The following FARS2 variants were observed in gnomAD, a reference collection of about 807,000 sequenced individuals.
FARS2 encodes the protein phenylalanine--tRNA ligase, mitochondrial.
A neutral mutation model predicts 46.4 loss-of-function variants in FARS2; 40 were observed. That is an observed-to-expected ratio of 0.86 (90% CI 0.67 to 1.12). FARS2 has a LOEUF of 1.12. FARS2 is among the 50% of genes most tolerant of loss of function. The pLI, the probability that FARS2 is intolerant of heterozygous loss-of-function variation, is 0.00. For missense variants in FARS2, 513 were observed against 567.9 expected (o/e 0.90, Z 0.98); for synonymous variants, 234 against 214.9 (o/e 1.09, Z -0.78).
chr6:5,548,973 T>C (rs1771204617), intron 5 of FARS2, among the ~76,000 whole-genome samples: 1 of 152,266 alleles, frequency 6.6e-6, no homozygotes, highest in Non-Finnish European at 1.5e-5. Context: ...TATTCACTTA[T>C]AATTAGTATC....
intron 4 of FARS2, among the ~76,000 whole-genome samples, chr6:5,444,437 A>T (rs1213983291): frequency 7.4e-6 from 1 of 135,264 alleles, no homozygotes; most frequent in Non-Finnish European, 1.5e-5. Context: ...ATTGCACTCC[A>T]GCCTGGGTGA....
intron 4 of FARS2, among the ~76,000 whole-genome samples, chr6:5,440,302 G>A (rs1763767969): frequency 6.6e-6 from 1 of 151,996 alleles, no homozygotes; most frequent in Non-Finnish European, 1.5e-5. Flanking sequence ...AATATTTTTT[G>A]TATTAATTTT....
At position 5,471,407 on chromosome 6, in the gene FARS2, T is replaced by C. The variant is rs1765799156; in HGVS notation, c.904+40235T>C. 6.6e-6 allele frequency among the ~76,000 whole-genome samples: 1 copy of C among 152,216 alleles called. No homozygotes were observed. The highest frequency in any genetic ancestry group is 1.5e-5 in the Non-Finnish European group (1 of 68,036). On this transcript the variant is annotated intron_variant, in intron 4 of 6. Coordinates refer to ENST00000274680, the MANE Select transcript of FARS2 (RefSeq NM_006567.5). This position sits in a 1 kb window ranked among gnomAD's most constrained non-coding sequence, Gnocchi z 4.1. ...ATCCTTCTCTTACCTTTTCTTGCTC[T>C]GGCTAATATCCCAACTAGCCCTTCA...
intron 4 of FARS2, among the ~76,000 whole-genome samples, chr6:5,482,009 G>A (rs1168607721): frequency 1.3e-5 from 2 of 152,148 alleles, no homozygotes; most frequent in Non-Finnish European, 2.9e-5. Flanking sequence ...ACCAGAGTGG[G>A]GACTGGGTCT....
Position 5,369,076 on chromosome 6 carries a change from A to T in FARS2, c.506A>T (p.Asp169Val), listed in dbSNP as rs146356199. Residue 169 changes from aspartate (D) to valine (V), a missense_variant, in exon 2 of 7, where the codon GAT becomes GTT. By Grantham distance (152) the Asp-to-Val change is radical. Transcript: ENST00000274680. ...TGGGACTTGCTGCACGCGGGACTGG[A>T]TGCCTTCCTGGTGGTGGGTGATGTC... ...HQWDLLHAGL[D>V]AFLVVGDVYR... 404 of 1,613,932 alleles carry T rather than the reference A, an allele frequency of 2.5e-4. No individual in the cohort carries two copies. In the African/African-American group the frequency reaches 4.9e-3, roughly 19 times the overall value.
upstream of FARS2, among the ~76,000 whole-genome samples, chr6:5,258,915 T>C (rs1764805172): frequency 6.6e-6 from 1 of 152,236 alleles, no homozygotes; most frequent in Admixed American, 6.5e-5. Context: ...TCGTGAATGA[T>C]TTTCCTGTTC....
At chr6:5,466,891 T>G (rs1464017853) in intron 4 of FARS2, 1 of 985,302 alleles carries the variant, frequency 1.0e-6, no homozygotes, top group Admixed American at 6.1e-5. Context: ...CTTGAACCCA[T>G]GAGCACATGG....
Position 5,396,924 on chromosome 6 carries a change from CT to C in FARS2, c.613-7617del, listed in dbSNP as rs758478845. 6.6e-5 allele frequency among the ~76,000 whole-genome samples: 10 copies of C among 152,284 alleles called. No homozygotes were observed. In the South Asian group the frequency reaches 2.1e-3, roughly 32 times the overall value. ...CCTACCTAGGCCCTCACGTTTCCCC[CT>C]GATTTGATATCATCCAGCCTAAGAT... On this transcript the variant is annotated intron_variant, in intron 2 of 6. Transcript: ENST00000274680.
chr6:5,541,235 C>T (rs1190646170), intron 4 of FARS2, among the ~76,000 whole-genome samples: 1 of 152,154 alleles, frequency 6.6e-6, no homozygotes, highest in Non-Finnish European at 1.5e-5. Context: ...AGGAGATAAC[C>T]ACAGAGGCTG....
intron 5 of FARS2, among the ~76,000 whole-genome samples, chr6:5,567,703 A>G (rs1437772085): frequency 1.3e-5 from 2 of 152,248 alleles, no homozygotes; most frequent in African/African-American, 2.4e-5. Flanking sequence ...AATTCTGCCC[A>G]TGTTTATGCA....
intron 3 of FARS2, among the ~76,000 whole-genome samples, chr6:5,410,260 T>A (rs545655783): frequency 1.3e-5 from 2 of 151,836 alleles, no homozygotes; most frequent in Non-Finnish European, 1.5e-5. Flanking sequence ...TTCCCGCGAT[T>A]CTCATGCCTC....
At chr6:5,456,375 GT>G (rs1764863053) in intron 4 of FARS2, among the ~76,000 whole-genome samples, 1 of 152,126 alleles carries the variant, frequency 6.6e-6, no homozygotes, top group African/African-American at 2.4e-5. Context: ...TTACTATTTA[GT>G]CCCAATTTAT....
At chr6:5,538,739 C>T (rs1488460360) in intron 4 of FARS2, among the ~76,000 whole-genome samples, 1 of 151,936 alleles carries the variant, frequency 6.6e-6, no homozygotes, top group Admixed American at 6.6e-5. Context: ...TGCAGGGGTG[C>T]GATTCAGAAG....
chr6:5,584,274 A>G (rs1427222870), intron 5 of FARS2, among the ~76,000 whole-genome samples: 1 of 152,138 alleles, frequency 6.6e-6, no homozygotes, highest in African/African-American at 2.4e-5. Flanking sequence ...TTAGAAACCC[A>G]TTCATCAAAT....
intron 4 of FARS2, among the ~76,000 whole-genome samples, chr6:5,446,064 G>A (rs190218552): frequency 1.7e-3 from 260 of 152,132 alleles, no homozygotes; most frequent in African/African-American, 5.8e-3. Context: ...TTAGCCGGGC[G>A]TGGGGGCGGG....
chr6:5,562,546 A>C (rs141013313), intron 5 of FARS2, among the ~76,000 whole-genome samples: 1 of 152,284 alleles, frequency 6.6e-6, no homozygotes, highest in Non-Finnish European at 1.5e-5. Context: ...TCAGAAAGCA[A>C]GTTATATGGC....
At chr6:5,691,614 C>A (rs1166609427) in intron 6 of FARS2, among the ~76,000 whole-genome samples, 1 of 152,192 alleles carries the variant, frequency 6.6e-6, no homozygotes, top group African/African-American at 2.4e-5. Context: ...GGGATGCCTC[C>A]CAGTTAGGCT....
At chr6:5,670,923 A>G (rs1778422866) in intron 6 of FARS2, among the ~76,000 whole-genome samples, 1 of 152,102 alleles carries the variant, frequency 6.6e-6, no homozygotes, top group South Asian at 2.1e-4. Context: ...TAGTGTCCTT[A>G]TTGTGCTCAC....
At chr6:5,252,959 A>G in the FARS2 span, among the ~76,000 whole-genome samples, 3 of 152,164 alleles carry the variant, frequency 2.0e-5, no homozygotes, top group African/African-American at 4.8e-5. Flanking sequence ...AGGGCTTCCT[A>G]TGACTTCTGG....
Sources: allele counts gnomAD v4.1 joint callset (sites outside exome capture counted in the v4.1 genomes callset), GRCh38; gene constraint gnomAD v4.1.1; non-coding constraint Gnocchi (gnomAD v3.1); transcripts MANE v1.5; gene names NCBI Gene and HGNC (gene_info 2026-07-23, HGNC 2026-07-21).